SMOC2: variants seen among roughly 807,000 people sequenced by gnomAD.
SMOC2 encodes SPARC related modular calcium binding 2.
SMOC2 carries 39 observed loss-of-function variants against 61.4 expected under a neutral mutation model. That is an observed-to-expected ratio of 0.64 (90% CI 0.49 to 0.83). SMOC2 has a LOEUF of 0.83. Among genes scored for constraint, SMOC2 ranks in the 40% least tolerant of loss-of-function variants. SMOC2 has a pLI of 0.00. For missense variants in SMOC2, 556 were observed against 592.9 expected (o/e 0.94, Z 0.65); for synonymous variants, 247 against 239.9 (o/e 1.03, Z -0.27).
At chr6:168,543,493 G>A in intron 4 of SMOC2, 132 bp from the exon 5 acceptor site, 1 of 747,044 alleles carries the variant, frequency 1.3e-6, no homozygotes, top group South Asian at 1.7e-5. Context: ...ACAGCTTACA[G>A]AATTTAAGTA....
chr6:168,645,091 A>C (rs975097436), intron 9 of SMOC2, among the ~76,000 whole-genome samples: 1 of 152,238 alleles, frequency 6.6e-6, no homozygotes, highest in Non-Finnish European at 1.5e-5. Context: ...AGTAAATGTA[A>C]AATTTTGTTA....
intron 1 of SMOC2, among the ~76,000 whole-genome samples, chr6:168,498,206 C>G (rs1562556696): frequency 6.6e-6 from 1 of 152,198 alleles, no homozygotes; most frequent in Non-Finnish European, 1.5e-5. Flanking sequence ...GGCTAAGAAA[C>G]AAATTATCTG....
At chr6:168,483,180 TAC>T (rs1042863924) in intron 1 of SMOC2, among the ~76,000 whole-genome samples, 8 of 151,862 alleles carry the variant, frequency 5.3e-5, no homozygotes, top group East Asian at 1.9e-4. Context: ...AACAATGCTG[TAC>T]ACACACATAC....
chr6:168,588,531 T>G (rs1382922626), intron 7 of SMOC2, among the ~76,000 whole-genome samples: 1 of 152,110 alleles, frequency 6.6e-6, no homozygotes, highest in Non-Finnish European at 1.5e-5. Context: ...GCCATCAGCT[T>G]TGGAGAAAAG....
chr6:168,653,790 C>A (rs1787267124), intron 11 of SMOC2, among the ~76,000 whole-genome samples: 1 of 149,212 alleles, frequency 6.7e-6, no homozygotes, highest in South Asian at 2.2e-4. Context: ...TGAGCTCCAA[C>A]CAGATGTTAG....
At chr6:168,586,697 ATTCT>A (rs1785053276) in intron 7 of SMOC2, among the ~76,000 whole-genome samples, 2 of 152,306 alleles carry the variant, frequency 1.3e-5, no homozygotes, top group East Asian at 1.9e-4. Context: ...CTTTGATAAA[ATTCT>A]TTCTAAGCAC....
intron 8 of SMOC2, among the ~76,000 whole-genome samples, chr6:168,599,783 CAA>C (rs1785486714): frequency 1.1e-5 from 1 of 87,526 alleles, no homozygotes; most frequent in Non-Finnish European, 2.2e-5. Context: ...CCCCCACACA[CAA>C]ACATACCCAC....
At chr6:168,463,657 A>G (rs1781762348) in intron 1 of SMOC2, among the ~76,000 whole-genome samples, 1 of 152,142 alleles carries the variant, frequency 6.6e-6, no homozygotes, top group Admixed American at 6.5e-5. Context: ...GTGCTTACAG[A>G]GAACATTGTC....
chr6:168,473,971 T>C (rs1419505067), intron 1 of SMOC2, among the ~76,000 whole-genome samples: 1 of 152,136 alleles, frequency 6.6e-6, no homozygotes, highest in Non-Finnish European at 1.5e-5. Flanking sequence ...GGCAGATCAC[T>C]GACCTTACCA....
intron 1 of SMOC2, among the ~76,000 whole-genome samples, chr6:168,447,431 T>C (rs2114990024): frequency 6.6e-6 from 1 of 152,290 alleles, no homozygotes; most frequent in East Asian, 1.9e-4. Context: ...CTATTTCTAT[T>C]TTAGCACCAG....
At chr6:168,462,004 G>A (rs933705737) in intron 1 of SMOC2, among the ~76,000 whole-genome samples, 1 of 152,196 alleles carries the variant, frequency 6.6e-6, no homozygotes, top group African/African-American at 2.4e-5. Context: ...GTTTCTACTG[G>A]AGGAGGGCTC....
chr6:168,556,541 A>G (rs1399865086), intron 7 of SMOC2, among the ~76,000 whole-genome samples: 1 of 150,534 alleles, frequency 6.6e-6, no homozygotes, highest in African/African-American at 2.4e-5. Flanking sequence ...GCCTCCTCCA[A>G]AGCTCTCCCA....
intron 9 of SMOC2, among the ~76,000 whole-genome samples, chr6:168,612,153 A>C (rs1314177798): frequency 6.6e-6 from 1 of 152,184 alleles, no homozygotes; most frequent in Non-Finnish European, 1.5e-5. Context: ...TGGGCTTTCC[A>C]GTGTGGGGAG....
intron 11 of SMOC2, among the ~76,000 whole-genome samples, chr6:168,659,604 G>A (rs112010065): frequency 1.4e-5 from 2 of 141,530 alleles, no homozygotes; most frequent in Non-Finnish European, 3.1e-5. Context: ...TTGGGTGAGG[G>A]TGGAGGTTGT....
chr6:168,564,744 C>G (rs1475596980), intron 7 of SMOC2, among the ~76,000 whole-genome samples: 2 of 152,204 alleles, frequency 1.3e-5, no homozygotes. Flanking sequence ...GAGCCAGTGT[C>G]AAGCCCATGA....
chr6:168,504,418 G>A, intron 1 of SMOC2, among the ~76,000 whole-genome samples: 1 of 149,898 alleles, frequency 6.7e-6, no homozygotes, highest in East Asian at 1.9e-4. Context: ...GGGAGACAGT[G>A]AGAGATCATC....
At chr6:168,472,283 A>C (rs912601472) in intron 1 of SMOC2, among the ~76,000 whole-genome samples, 1 of 150,976 alleles carries the variant, frequency 6.6e-6, no homozygotes, top group Non-Finnish European at 1.5e-5. Context: ...AGTTTTCCGA[A>C]TACCAGCTGT....
At chr6:168,583,565 C>A (rs112587590) in intron 7 of SMOC2, among the ~76,000 whole-genome samples, 1,752 of 152,310 alleles carry the variant, frequency 0.012, 28 homozygotes, top group African/African-American at 0.039. Flanking sequence ...CCCCCTGTCT[C>A]TCATCTTCCT....
chr6:168,472,449 C>T (rs1228739573), intron 1 of SMOC2, among the ~76,000 whole-genome samples: 2 of 152,072 alleles, frequency 1.3e-5, no homozygotes, highest in African/African-American at 4.8e-5. Flanking sequence ...CTGGCCATTG[C>T]CCAACACTGC....
Sources: allele counts gnomAD v4.1 joint callset (sites outside exome capture counted in the v4.1 genomes callset), GRCh38; gene constraint gnomAD v4.1.1; transcripts MANE v1.5; gene names NCBI Gene and HGNC (gene_info 2026-07-23, HGNC 2026-07-21).